The following CDK14 variants were observed in gnomAD, a reference collection of about 807,000 sequenced individuals.
CDK14 encodes the protein cyclin-dependent kinase 14.
A neutral mutation model predicts 60.7 loss-of-function variants in CDK14; 34 were observed. The observed-to-expected ratio is 0.56, with a 90% confidence interval of 0.43 to 0.75. The LOEUF is 0.75. Among genes scored for constraint, CDK14 ranks in the 30% least tolerant of loss-of-function variants. CDK14 has a pLI of 0.00. For synonymous variants in CDK14, 197 were observed against 203.7 expected, an observed-to-expected ratio of 0.97 and a Z score of 0.28; for missense variants, 482 against 564.1, an observed-to-expected ratio of 0.85 and a Z score of 1.47.
At chr7:91,093,635 A>G (rs557747255) in intron 12 of CDK14, among the ~76,000 whole-genome samples, 7 of 152,326 alleles carry the variant, frequency 4.6e-5, no homozygotes, top group African/African-American at 1.4e-4. Flanking sequence ...AGCATTTAAA[A>G]ACAGAACTAC....
At chr7:91,008,158 A>AAAAAAAAG (rs1796045745) in intron 10 of CDK14, among the ~76,000 whole-genome samples, 2 of 150,664 alleles carry the variant, frequency 1.3e-5, no homozygotes, top group Non-Finnish European at 3.0e-5. Context: ...AACAAAAAAA[A>AAAAAAAAG]ACAGTGGATG....
At chr7:90,870,569 G>A (rs545963817) in intron 6 of CDK14, among the ~76,000 whole-genome samples, 5 of 152,228 alleles carry the variant, frequency 3.3e-5, no homozygotes, top group East Asian at 1.9e-4. Flanking sequence ...GCATACTTCC[G>A]TTTTTCCCTG....
intron 2 of CDK14, among the ~76,000 whole-genome samples, chr7:90,639,670 A>G (rs577670961): frequency 9.8e-6 from 1 of 101,796 alleles, no homozygotes; most frequent in South Asian, 3.8e-4. Context: ...GCTGTCAGAC[A>G]GGGACAGAGG....
At chr7:91,180,396 C>T (rs1004608689) in intron 14 of CDK14, among the ~76,000 whole-genome samples, 1 of 152,052 alleles carries the variant, frequency 6.6e-6, no homozygotes, top group African/African-American at 2.4e-5. Context: ...ATGCTCTATG[C>T]CTATCATTAA....
intron 11 of CDK14, among the ~76,000 whole-genome samples, chr7:91,069,587 C>T (rs986353994): frequency 3.3e-5 from 5 of 151,740 alleles, no homozygotes; most frequent in African/African-American, 1.2e-4. Context: ...AAAAGGACAC[C>T]AACCATTATT....
At chr7:90,722,720 A>G (rs1182909267) in intron 2 of CDK14, among the ~76,000 whole-genome samples, 1 of 151,884 alleles carries the variant, frequency 6.6e-6, no homozygotes, top group African/African-American at 2.4e-5. Context: ...GTTTCCACTG[A>G]TTTTTATAAT....
At chr7:91,151,166 C>T (rs1800817813) in intron 14 of CDK14, among the ~76,000 whole-genome samples, 2 of 152,166 alleles carry the variant, frequency 1.3e-5, no homozygotes, top group Admixed American at 1.3e-4. Flanking sequence ...GCCTCTTGCT[C>T]TTACCCTTCT....
intron 10 of CDK14, among the ~76,000 whole-genome samples, chr7:91,027,773 TCCCC>T (rs1796618566): frequency 1.6e-4 from 1 of 6,262 alleles, no homozygotes; most frequent in Non-Finnish European, 2.9e-4. Flanking sequence ...TCCTCTCCCC[TCCCC>T]TCCCCTCCCC....
chr7:90,836,261 T>C (rs1790094535), intron 5 of CDK14, among the ~76,000 whole-genome samples: 1 of 152,222 alleles, frequency 6.6e-6, no homozygotes, highest in African/African-American at 2.4e-5. Flanking sequence ...ATAATAACCC[T>C]GAAGTTAAGA....
intron 2 of CDK14, among the ~76,000 whole-genome samples, chr7:90,664,467 C>T (rs187143024): frequency 6.6e-6 from 1 of 152,326 alleles, no homozygotes; most frequent in Admixed American, 6.5e-5. Context: ...ATAAATCATG[C>T]TGCCATAAAG....
chr7:90,841,659 TACACAC>T (rs57434660), intron 5 of CDK14, among the ~76,000 whole-genome samples: 70 of 139,382 alleles, frequency 5.0e-4, no homozygotes, highest in African/African-American at 1.4e-3. Flanking sequence ...TATATATATG[TACACAC>T]ACACACACAC....
At chr7:90,953,387 C>G (rs1296795406) in intron 8 of CDK14, among the ~76,000 whole-genome samples, 1 of 152,116 alleles carries the variant, frequency 6.6e-6, no homozygotes, top group Admixed American at 6.6e-5. Context: ...TGTGGCTCAT[C>G]TGAATAAAAT....
chr7:90,669,119 C>A (rs1393221344), intron 2 of CDK14, among the ~76,000 whole-genome samples: 1 of 151,686 alleles, frequency 6.6e-6, no homozygotes, highest in Non-Finnish European at 1.5e-5. Context: ...ATCTGCCATC[C>A]CATCTCCTCC....
chr7:90,624,314 A>C (rs1045216838), intron 2 of CDK14, among the ~76,000 whole-genome samples: 1 of 152,186 alleles, frequency 6.6e-6, no homozygotes, highest in African/African-American at 2.4e-5. Context: ...AAACCCTAGC[A>C]ATGTGGATTT....
intron 2 of CDK14, among the ~76,000 whole-genome samples, chr7:90,635,271 A>G (rs1193716196): frequency 6.6e-6 from 1 of 152,252 alleles, no homozygotes; most frequent in African/African-American, 2.4e-5. Context: ...TTTGAGGTCT[A>G]ACATGTAAGT....
chr7:91,127,925 A>G (rs1401359883), intron 14 of CDK14, among the ~76,000 whole-genome samples: 2 of 152,208 alleles, frequency 1.3e-5, no homozygotes, highest in Non-Finnish European at 2.9e-5. Flanking sequence ...TTTACAATGT[A>G]TCAAATGAGC....
chr7:91,113,545 C>G lies in CDK14; in HGVS notation c.1294+864C>G, dbSNP rs182313239. 9.8e-4 allele frequency among the ~76,000 whole-genome samples: 149 copies of G among 152,166 alleles called. 6 individuals are homozygous for G. Among genetic ancestry groups the G allele is most frequent in the Admixed American group, 9.6e-3 (147 of 15,280 alleles). ...TATTTTTGTTCAATGGTGATATGTT[C>G]TTTCCAAAGAACAATTAGAGATATT... On this transcript the variant is annotated intron_variant, in intron 13 of 14. Transcript: ENST00000380050.
intron 14 of CDK14, among the ~76,000 whole-genome samples, chr7:91,190,427 G>A (rs1802324736): frequency 6.6e-6 from 1 of 152,200 alleles, no homozygotes; most frequent in Non-Finnish European, 1.5e-5. Flanking sequence ...GTTAGCAAAT[G>A]TTAGAAATAA....
chr7:90,869,670 A>G (rs929864477), intron 6 of CDK14, among the ~76,000 whole-genome samples: 2 of 152,206 alleles, frequency 1.3e-5, no homozygotes, highest in South Asian at 4.1e-4. Context: ...TAAACATGAG[A>G]TGATGTCTGC....
Sources: gnomAD v4.1 joint callset for allele counts (sites outside exome capture counted in the v4.1 genomes callset) on GRCh38, gnomAD v4.1.1 for gene constraint, MANE v1.5 for transcripts, NCBI Gene and HGNC (gene_info 2026-07-23, HGNC 2026-07-21) for gene names.